Variants in USP34 observed in about 807,000 individuals in gnomAD.
The protein encoded by USP34 is ubiquitin carboxyl-terminal hydrolase 34.
A neutral mutation model predicts 460.3 loss-of-function variants in USP34; 70 were observed. The observed-to-expected ratio is 0.15, with a 90% CI of 0.13 to 0.19. The LOEUF is 0.19. Among genes scored for constraint, USP34 ranks in the 10% least tolerant of loss-of-function variants. The pLI, the probability that USP34 is intolerant of heterozygous loss-of-function variation, is 1.00. For synonymous variants in USP34, 1,647 were observed against 1,405.3 expected (o/e 1.17, Z -3.85); for missense variants, 3,985 against 4,236.2 (o/e 0.94, Z 1.65).
Position 61,204,757 on chromosome 2 carries a change from A to G in USP34, c.9155-156T>C, listed in dbSNP as rs544731101. Among the ~76,000 whole-genome samples the G allele has an allele frequency of 1.9e-4, 29 of 152,356 alleles. No homozygotes were observed. In the South Asian group the frequency reaches 5.8e-3, roughly 30 times the overall value. ...GAGTAGAAATTCTGTCTTATGCTCA[A>G]TCAAGTTTAGATCAACAGAGTTATT... is the stretch of plus-strand genomic sequence containing the variant. On this transcript the variant is annotated intron_variant, in intron 72 of 79. Coordinates refer to ENST00000398571, the MANE Select transcript of USP34 (RefSeq NM_014709.4).
At chr2:61,331,512 T>A in intron 19 of USP34, 141 bp from the exon 20 acceptor site, 1 of 563,644 alleles carries the variant, frequency 1.8e-6, no homozygotes, top group Non-Finnish European at 2.8e-6. Context: ...GTTTTATTTA[T>A]ATTTGAATGG....
intron 1 of USP34, among the ~76,000 whole-genome samples, chr2:61,466,288 G>C (rs1695760545): frequency 6.6e-6 from 1 of 152,070 alleles, no homozygotes; most frequent in Admixed American, 6.6e-5. Flanking sequence ...AGCCGGGCTT[G>C]GTGGCACATG....
rs141745107 is a variant in USP34 at position 61,439,149 on chromosome 2, C to T, written c.44-18316G>A. Among the ~76,000 whole-genome samples, 964 of 152,294 alleles carry T rather than the reference C, an allele frequency of 6.3e-3. 8 individuals carry two copies. The highest frequency in any genetic ancestry group is 0.01 in the Non-Finnish European group (690 of 68,024). ...AAAAACAGCTGGGCATGGTGGCTCA[C>T]GCCTGTAATCCCAACACTTTGGGAG... On this transcript the variant is annotated intron_variant, in intron 1 of 79. Coordinates refer to ENST00000398571, the MANE Select transcript of USP34 (RefSeq NM_014709.4).
intron 27 of USP34, among the ~76,000 whole-genome samples, chr2:61,302,807 TTTC>T (rs1408791989): frequency 6.6e-6 from 1 of 152,190 alleles, no homozygotes; most frequent in Non-Finnish European, 1.5e-5. Context: ...TTTTTTGTTT[TTTC>T]TTTTTTCATA....
At chr2:61,333,265 C>T (rs1014538922) in intron 19 of USP34, among the ~76,000 whole-genome samples, 2 of 151,986 alleles carry the variant, frequency 1.3e-5, no homozygotes, top group Non-Finnish European at 1.5e-5. Flanking sequence ...AGTTGAATAT[C>T]CCTTATCCAA....
chr2:61,362,277 C>T (rs1692298901), intron 10 of USP34, among the ~76,000 whole-genome samples: 1 of 152,070 alleles, frequency 6.6e-6, no homozygotes, highest in Non-Finnish European at 1.5e-5. Context: ...ACAGAACTAT[C>T]TTATGTTATG....
chr2:61,221,371 TC>T, intron 66 of USP34, 130 bp downstream of exon 66: 1 of 748,768 alleles, frequency 1.3e-6, no homozygotes, highest in Non-Finnish European at 2.1e-6. Flanking sequence ...ACTCTTTTCC[TC>T]CCCAAACCTG....
At chr2:61,315,248 G>A (rs998839867) in intron 23 of USP34, among the ~76,000 whole-genome samples, 1 of 152,080 alleles carries the variant, frequency 6.6e-6, no homozygotes, top group African/African-American at 2.4e-5. Flanking sequence ...ATACTATAAA[G>A]GAATAAAACC....
At chr2:61,293,426 A>C in intron 33 of USP34, 38 bp downstream of exon 33, 1 of 1,505,012 alleles carries the variant, frequency 6.6e-7, no homozygotes. Context: ...AAATGGGATA[A>C]CTACTGTAAC....
chr2:61,395,321 A>C, intron 3 of USP34, 88 bp from the exon 4 acceptor site: 1 of 830,646 alleles, frequency 1.2e-6, no homozygotes, highest in Admixed American at 2.8e-5. Context: ...ATTTTATAAA[A>C]ACCGAATAAA....
intron 25 of USP34, 62 bp from the exon 26 acceptor site, chr2:61,311,972 C>T (rs1463051192): frequency 7.0e-6 from 11 of 1,569,470 alleles, no homozygotes; most frequent in Non-Finnish European, 7.7e-6. Flanking sequence ...TAATGTTACG[C>T]AAATTTTTAT....
chr2:61,354,735 T>C lies in USP34; in HGVS notation c.1252-4042A>G, dbSNP rs548678581. Reference sequence around the variant, plus strand: ...AGGAAAAAGTGTTCACTATGTTGGGTTGGGCAACATGTGGAGGAACTGAAA... The same window carrying C: ...AGGAAAAAGTGTTCACTATGTTGGGCTGGGCAACATGTGGAGGAACTGAAA... On this transcript the variant is annotated intron_variant, in intron 10 of 79. Transcript: ENST00000398571. Among the ~76,000 whole-genome samples, 9 of 152,248 alleles carry C rather than the reference T, an allele frequency of 5.9e-5. No individual in the cohort carries two copies. The South Asian group carries it at 6.2e-4, about 11-fold the overall frequency.
intron 51 of USP34, among the ~76,000 whole-genome samples, chr2:61,244,853 G>A (rs1688378594): frequency 6.6e-6 from 1 of 152,014 alleles, no homozygotes; most frequent in South Asian, 2.1e-4. Flanking sequence ...AGACTCCCTT[G>A]TCAAAGATTT....
intron 1 of USP34, among the ~76,000 whole-genome samples, chr2:61,453,071 T>C (rs556625823): frequency 6.6e-6 from 1 of 152,146 alleles, no homozygotes; most frequent in Non-Finnish European, 1.5e-5. Flanking sequence ...AGGCAATAAA[T>C]TAATACAACC....
intron 41 of USP34, among the ~76,000 whole-genome samples, chr2:61,266,381 T>TA (rs1689046890): frequency 6.6e-6 from 1 of 152,188 alleles, no homozygotes; most frequent in Non-Finnish European, 1.5e-5. Context: ...TTTTGATACC[T>TA]AATAAGCTCA....
At chr2:61,384,075 C>A (rs890722363) in intron 5 of USP34, among the ~76,000 whole-genome samples, 5 of 152,044 alleles carry the variant, frequency 3.3e-5, no homozygotes, top group Non-Finnish European at 7.4e-5. Context: ...TCAAATTACC[C>A]ATAATTTCTA....
intron 38 of USP34, among the ~76,000 whole-genome samples, chr2:61,280,650 A>T (rs1031442659): frequency 6.6e-6 from 1 of 152,198 alleles, no homozygotes; most frequent in Non-Finnish European, 1.5e-5. Context: ...GTTAGTAAAA[A>T]GTGGGCTCTA....
intron 2 of USP34, among the ~76,000 whole-genome samples, chr2:61,414,029 G>T (rs930929443): frequency 2.6e-5 from 4 of 152,018 alleles, no homozygotes; most frequent in African/African-American, 7.2e-5. Context: ...AGGCCAAGGC[G>T]GGTGGACTGC....
At chr2:61,220,274 A>C (rs760208769) in intron 67 of USP34, 36 bp downstream of exon 67, 104 of 1,574,660 alleles carry the variant, frequency 6.6e-5, no homozygotes, top group Non-Finnish European at 8.4e-5. Context: ...TGAACAATAA[A>C]TAAATGGTTT....
Sources: gnomAD v4.1 joint callset for allele counts (sites outside exome capture counted in the v4.1 genomes callset) on GRCh38, gnomAD v4.1.1 for gene constraint, MANE v1.5 for transcripts, NCBI Gene and HGNC (gene_info 2026-07-23, HGNC 2026-07-21) for gene names.